The following EML1 variants were observed in gnomAD, a reference collection of about 807,000 sequenced individuals.
EML1 encodes the protein EMAP like 1.
A neutral mutation model predicts 110.4 loss-of-function variants in EML1; 27 were observed. The ratio of observed to expected loss-of-function variants is 0.24; its 90% CI spans 0.18 to 0.34. The LOEUF is 0.34. Ranked by LOEUF, EML1 falls within the 10% of genes least tolerant of loss-of-function variation. EML1 has a pLI of 1.00. For synonymous variants in EML1, 344 were observed against 385.8 expected, an observed-to-expected ratio of 0.89 and a Z score of 1.27; for missense variants, 741 against 1,030.9, an observed-to-expected ratio of 0.72 and a Z score of 3.85.
intron 10 of EML1, 60 bp from the exon 11 acceptor site, chr14:99,909,285 T>C: frequency 6.2e-7 from 1 of 1,611,556 alleles, no homozygotes; most frequent in East Asian, 2.2e-5. Context: ...CTTGTTTTCC[T>C]ACATGTCTCT....
intron 2 of EML1, among the ~76,000 whole-genome samples, chr14:99,854,569 G>A (rs1419689344): frequency 2.0e-5 from 3 of 152,170 alleles, no homozygotes; most frequent in Admixed American, 6.5e-5. Flanking sequence ...ACTGCTCTGG[G>A]TCTTAGGATT....
At chr14:99,806,673 A>G (rs1021821220) in intron 1 of EML1, among the ~76,000 whole-genome samples, 4 of 152,252 alleles carry the variant, frequency 2.6e-5, no homozygotes, top group African/African-American at 9.6e-5. Context: ...AGCCAGTACA[A>G]GACCACTCTC....
Position 99,852,147 on chromosome 14 carries a change from T to C in EML1, c.250+1112T>C, listed in dbSNP as rs566552727. Among the ~76,000 whole-genome samples, 55 of 152,332 alleles carry C rather than the reference T, an allele frequency of 3.6e-4. 1 individual carries two copies. In the East Asian group the frequency reaches 0.01, roughly 28 times the overall value. ...TTGGAAATAAAACGCCTCCTAACAATTTCTGTCCAGCTAGCTGGCGCCCTC... is the reference window on the plus strand; with the variant it reads ...TTGGAAATAAAACGCCTCCTAACAACTTCTGTCCAGCTAGCTGGCGCCCTC... On this transcript the variant is annotated intron_variant, in intron 2 of 21. Transcript: ENST00000262233.
intron 1 of EML1, among the ~76,000 whole-genome samples, chr14:99,749,807 C>T (rs987336378): frequency 3.3e-5 from 5 of 152,228 alleles, no homozygotes; most frequent in African/African-American, 7.2e-5. Context: ...CTACACAGCC[C>T]CAGTGAAATG....
chr14:99,889,983 T>C (rs542822023), intron 4 of EML1, among the ~76,000 whole-genome samples: 1 of 152,270 alleles, frequency 6.6e-6, no homozygotes, highest in Admixed American at 6.5e-5. Context: ...CTGCAGGAAA[T>C]TATCTGGAAA....
chr14:99,917,708 C>A, intron 15 of EML1, 74 bp from the exon 16 acceptor site: 11 of 1,436,188 alleles, frequency 7.7e-6, no homozygotes, highest in Non-Finnish European at 1.1e-5. Flanking sequence ...TGTGTGCACG[C>A]ACTCACGTGT....
intron 16 of EML1, 48 bp downstream of exon 16, chr14:99,917,897 A>T (rs2140073834): frequency 6.3e-7 from 1 of 1,585,612 alleles, no homozygotes; most frequent in Non-Finnish European, 8.7e-7. Flanking sequence ...TATGGAAAAG[A>T]GGCCTGTTGT....
rs528194707 is a variant in EML1 at position 99,784,027 on chromosome 14, C to T, written c.-27+10014C>T. Reference sequence around the variant, plus strand: ...TTCATTTGCAATCTACTGCGGTGCCCGCACTATTGCATGAATTAGAGACAA... The same window carrying T: ...TTCATTTGCAATCTACTGCGGTGCCTGCACTATTGCATGAATTAGAGACAA... On this transcript the variant is annotated intron_variant, in intron 1 of 22. Coordinates refer to the EML1 transcript ENST00000327921. This position sits in a 1 kb window ranked among gnomAD's most constrained non-coding sequence, Gnocchi z 4.5. 1.1e-3 allele frequency among the ~76,000 whole-genome samples: 166 copies of T among 152,276 alleles called. 2 individuals are homozygous for T. Among genetic ancestry groups the T allele is most frequent in the African/African-American group, 3.7e-3 (154 of 41,548 alleles).
chr14:99,804,039 C>G (rs186632347), intron 1 of EML1, among the ~76,000 whole-genome samples: 1 of 152,188 alleles, frequency 6.6e-6, no homozygotes, highest in East Asian at 1.9e-4. Flanking sequence ...TCTGTTAGCT[C>G]GGCTTCACCG....
At chr14:99,914,745 G>A in intron 15 of EML1, 48 bp downstream of exon 15, 1 of 1,553,850 alleles carries the variant, frequency 6.4e-7, no homozygotes. Context: ...AATTCATCTG[G>A]AACATGTTTA....
At chr14:99,910,579 C>A (rs938962400) in intron 12 of EML1, among the ~76,000 whole-genome samples, 2 of 152,158 alleles carry the variant, frequency 1.3e-5, no homozygotes, top group African/African-American at 4.8e-5. Flanking sequence ...GCTCTTTAAG[C>A]CCAAGCTATT....
At chr14:99,741,174 C>T (rs1451674499) in intron 1 of EML1, among the ~76,000 whole-genome samples, 1 of 152,170 alleles carries the variant, frequency 6.6e-6, no homozygotes, top group Non-Finnish European at 1.5e-5. Context: ...TGGGCATTTG[C>T]CCTGCTGCAG....
intron 19 of EML1, among the ~76,000 whole-genome samples, chr14:99,937,151 A>G (rs116411329): frequency 0.011 from 1,737 of 152,304 alleles, 36 homozygotes; most frequent in African/African-American, 0.04. Context: ...GTTGAGGACC[A>G]GGACAGGCAG....
Position 99,940,177 on chromosome 14 carries a change from C to T in EML1, c.*65C>T. On this transcript the variant is annotated 3_prime_UTR_variant, in exon 22 of 22. Transcript: ENST00000262233. ...GACACAGACTCGCATTACCCTTGGT[C>T]ACTGTGATTTCTGTTTTGTTTAAAA... The T allele has an allele frequency of 5.0e-6, 7 of 1,402,500 alleles. No individual in the cohort carries two copies. The highest frequency in any genetic ancestry group is 6.5e-6 in the Non-Finnish European group (7 of 1,075,312). The allele number at this position is 1,402,500 out of a possible 1,614,324, so 86.9% of individuals were successfully genotyped here. A position where few individuals can be genotyped will look rare whatever the true frequency, so the allele number is the denominator to read the frequency against.
chr14:99,932,618 G>A (rs965843961), intron 17 of EML1, among the ~76,000 whole-genome samples: 6 of 146,204 alleles, frequency 4.1e-5, no homozygotes, highest in African/African-American at 1.3e-4. Context: ...TTGCACTCCA[G>A]CCTGGGCAAC....
At chr14:99,813,726 T>A (rs2058119639) in intron 1 of EML1, among the ~76,000 whole-genome samples, 1 of 152,164 alleles carries the variant, frequency 6.6e-6, no homozygotes, top group Non-Finnish European at 1.5e-5. Context: ...AATTTTTTTT[T>A]AACTATAGAG....
At chr14:99,756,316 C>T (rs998263001) in intron 1 of EML1, among the ~76,000 whole-genome samples, 20 of 152,194 alleles carry the variant, frequency 1.3e-4, no homozygotes, top group African/African-American at 4.6e-4. Flanking sequence ...TACTGGTCAT[C>T]GGGTGGCAGC....
chr14:99,786,920 A>G (rs1318552342), intron 1 of EML1, among the ~76,000 whole-genome samples: 1 of 152,326 alleles, frequency 6.6e-6, no homozygotes, highest in East Asian at 1.9e-4. Context: ...AGCCAGAACC[A>G]GGACAGAGGG....
chr14:99,863,928 T>C (rs1369072106), intron 2 of EML1, among the ~76,000 whole-genome samples: 2 of 152,274 alleles, frequency 1.3e-5, no homozygotes, highest in African/African-American at 4.8e-5. Context: ...CCACAGTGGC[T>C]GTACTATTTT....
Sources: gnomAD v4.1 joint callset for allele counts (sites outside exome capture counted in the v4.1 genomes callset) on GRCh38, gnomAD v4.1.1 for gene constraint, Gnocchi (gnomAD v3.1) non-coding constraint, MANE v1.5 for transcripts, NCBI Gene and HGNC (gene_info 2026-07-23, HGNC 2026-07-21) for gene names.